RCOR3: variants seen among roughly 807,000 people sequenced by gnomAD.
The protein encoded by RCOR3 is REST corepressor 3.
Under a neutral mutation model 64.1 loss-of-function variants are expected in RCOR3, and 13 were observed. The ratio of observed to expected loss-of-function variants is 0.20; its 90% CI spans 0.13 to 0.32. The LOEUF (loss-of-function observed/expected upper bound fraction) is 0.32. Among genes scored for constraint, RCOR3 ranks in the 10% least tolerant of loss-of-function variants. The pLI, the probability that RCOR3 is intolerant of heterozygous loss-of-function variation, is 1.00. For missense variants in RCOR3, 489 were observed against 701.2 expected (o/e 0.70, Z 3.42); for synonymous variants, 215 against 239.0 (o/e 0.90, Z 0.93).
At chr1:211,265,003 C>T (rs540169607) in intron 2 of RCOR3, among the ~76,000 whole-genome samples, 18 of 152,140 alleles carry the variant, frequency 1.2e-4, no homozygotes, top group Admixed American at 1.2e-3. Context: ...TTCTCTAGGC[C>T]TTAGTTTTCT....
chr1:211,312,239 A>G lies in RCOR3; in HGVS notation c.1076-481A>G, dbSNP rs1298130034. 3.3e-5 allele frequency: 11 copies of G among 333,822 alleles called. No homozygotes were observed. The East Asian group carries it at 7.0e-4, about 21-fold the overall frequency. The allele number at this position is 333,822 out of a possible 1,614,324, so 20.7% of individuals were successfully genotyped here. A position where few individuals can be genotyped will look rare whatever the true frequency, so the allele number is the denominator to read the frequency against. Reference sequence around the variant, plus strand: ...TGAAGTTAGTATTAAGACCAAAATTATAATGCTTTTCTTAATGGGGGAACC... The same window carrying G: ...TGAAGTTAGTATTAAGACCAAAATTGTAATGCTTTTCTTAATGGGGGAACC... On this transcript the variant is annotated intron_variant, in intron 10 of 11. Transcript: ENST00000419091. The surrounding 1 kb of genome is among the most constrained non-coding windows in gnomAD (Gnocchi z 5.0).
rs888248224 is a variant in RCOR3, at chr1:211,275,611, T to A, written c.355-646T>A. Among the ~76,000 whole-genome samples, 48 of 152,278 alleles carry A rather than the reference T, an allele frequency of 3.2e-4. 1 individual carries two copies. The highest frequency in any genetic ancestry group is 1.1e-3 in the African/African-American group (45 of 41,572). On this transcript the variant is annotated intron_variant, in intron 4 of 11. Transcript: ENST00000419091. ...GCCTACTAAAAATAGAAGGGGAAGT[T>A]ATGGAATTTTTGGAAATTGTCCATT...
chr1:211,265,077 A>C (rs1346513719), intron 2 of RCOR3, among the ~76,000 whole-genome samples: 3 of 152,250 alleles, frequency 2.0e-5, no homozygotes, highest in Non-Finnish European at 4.4e-5. Flanking sequence ...ATGTGTGTAA[A>C]GTAGTGGTTT....
At chr1:211,293,843 C>T (rs1282674209) in intron 8 of RCOR3, among the ~76,000 whole-genome samples, 1 of 152,076 alleles carries the variant, frequency 6.6e-6, no homozygotes, top group Non-Finnish European at 1.5e-5. Flanking sequence ...ATTTCGTTGT[C>T]CACACTAGGG....
chr1:211,288,937 C>T (rs919621171), intron 7 of RCOR3, among the ~76,000 whole-genome samples: 1 of 151,942 alleles, frequency 6.6e-6, no homozygotes, highest in Non-Finnish European at 1.5e-5. Flanking sequence ...GTCCTCTGGG[C>T]CTAAAAATCA....
intron 8 of RCOR3, among the ~76,000 whole-genome samples, chr1:211,293,338 A>T (rs1218210565): frequency 6.6e-6 from 1 of 152,142 alleles, no homozygotes; most frequent in Non-Finnish European, 1.5e-5. Context: ...TCCCTTGCTT[A>T]AAAATCCTTT....
chr1:211,267,522 T>A (rs2102445930), intron 2 of RCOR3, among the ~76,000 whole-genome samples: 1 of 152,334 alleles, frequency 6.6e-6, no homozygotes, highest in Middle Eastern at 3.4e-3. Flanking sequence ...GAGCTGTTAG[T>A]TCCCACAACT....
At chr1:211,284,970 A>G (rs189074911) in intron 7 of RCOR3, among the ~76,000 whole-genome samples, 7 of 152,254 alleles carry the variant, frequency 4.6e-5, no homozygotes, top group African/African-American at 9.6e-5. Flanking sequence ...CATTTTTTCA[A>G]TTACTTATAA....
At chr1:211,276,742 C>T (rs376652014) in intron 5 of RCOR3, among the ~76,000 whole-genome samples, 13 of 151,998 alleles carry the variant, frequency 8.6e-5, no homozygotes, top group Admixed American at 1.3e-4. Flanking sequence ...CTCTTTGACA[C>T]GAGGATTTTT....
At chr1:211,275,445 G>GT (rs1696831489) in intron 4 of RCOR3, among the ~76,000 whole-genome samples, 1 of 151,960 alleles carries the variant, frequency 6.6e-6, no homozygotes, top group African/African-American at 2.4e-5. Context: ...ACCTTAATAT[G>GT]TTTGTTTTCC....
intron 7 of RCOR3, among the ~76,000 whole-genome samples, chr1:211,280,889 C>T (rs933921108): frequency 6.7e-6 from 1 of 149,348 alleles, no homozygotes; most frequent in African/African-American, 2.5e-5. Context: ...GAGGTCGAGG[C>T]AGGAGAATTG....
chr1:211,270,302 A>T (rs1306921148), intron 2 of RCOR3, among the ~76,000 whole-genome samples: 1 of 152,148 alleles, frequency 6.6e-6, no homozygotes, highest in Non-Finnish European at 1.5e-5. Context: ...ACCTCAGGTG[A>T]TCCGCCTGCC....
At chr1:211,283,672 A>G (rs2102538162) in intron 7 of RCOR3, among the ~76,000 whole-genome samples, 1 of 152,168 alleles carries the variant, frequency 6.6e-6, no homozygotes, top group East Asian at 1.9e-4. Flanking sequence ...TAGAGACAGA[A>G]TCTTGCTTAT....
intron 5 of RCOR3, among the ~76,000 whole-genome samples, chr1:211,277,043 A>G (rs1697075841): frequency 6.6e-6 from 1 of 151,604 alleles, no homozygotes; most frequent in Admixed American, 6.6e-5. Context: ...CCGAGATTGC[A>G]CTACTGCATT....
chr1:211,277,545 A>G (rs2102503684), intron 5 of RCOR3, among the ~76,000 whole-genome samples: 1 of 152,340 alleles, frequency 6.6e-6, no homozygotes, highest in South Asian at 2.1e-4. Context: ...CATCTTGCTA[A>G]TTGAAAGAAG....
Position 211,313,371 on chromosome 1 carries a change from A to G in RCOR3, c.1318-53A>G. On this transcript the variant is annotated intron_variant, in intron 11 of 11. Coordinates refer to ENST00000419091, the MANE Select transcript of RCOR3 (RefSeq NM_001136223.3). This position sits in a 1 kb window ranked among gnomAD's most constrained non-coding sequence, Gnocchi z 4.7. ...GTGACAGCCCAAACTATATTGTATT[A>G]AGTTCATTAGGACTTACATCTCATA... 6.4e-7 allele frequency: 1 copy of G among 1,556,906 alleles called. No homozygotes were observed. The highest frequency in any genetic ancestry group is 8.7e-7 in the Non-Finnish European group (1 of 1,151,452).
At chr1:211,285,163 C>T (rs144109177) in intron 7 of RCOR3, among the ~76,000 whole-genome samples, 103 of 152,144 alleles carry the variant, frequency 6.8e-4, no homozygotes, top group African/African-American at 2.4e-3. Flanking sequence ...TCTTTTTAGT[C>T]CTTGTATCTT....
chr1:211,314,045 T>C lies in RCOR3; in HGVS notation c.*277T>C, dbSNP rs1701738072. ...GGAAAAACAAAAGATTTAAGTATTC[T>C]ATATACCAAGTTTTTGTTTTGTTTT... On this transcript the variant is annotated 3_prime_UTR_variant, in exon 12 of 12. Coordinates refer to ENST00000419091, the MANE Select transcript of RCOR3 (RefSeq NM_001136223.3). 1 of 356,318 alleles carries C rather than the reference T, an allele frequency of 2.8e-6. No individual in the cohort carries two copies. Among genetic ancestry groups the C allele is most frequent in the African/African-American group, 2.1e-5 (1 of 47,878 alleles). 22.1% of individuals were successfully genotyped at this position (356,318 alleles called of 1,614,324 possible).
At chr1:211,305,194 G>C (rs1474412815) in intron 10 of RCOR3, among the ~76,000 whole-genome samples, 3 of 152,194 alleles carry the variant, frequency 2.0e-5, no homozygotes, top group Non-Finnish European at 4.4e-5. Context: ...TGTCACAGGA[G>C]GGTGCCAGCA....
Sources: gnomAD v4.1 joint callset for allele counts (sites outside exome capture counted in the v4.1 genomes callset) on GRCh38, gnomAD v4.1.1 for gene constraint, Gnocchi (gnomAD v3.1) non-coding constraint, MANE v1.5 for transcripts, NCBI Gene and HGNC (gene_info 2026-07-23, HGNC 2026-07-21) for gene names.